Variants in RBFOX1 observed in about 807,000 individuals in gnomAD.
The protein encoded by RBFOX1 is RNA binding fox-1 homolog 1.
Under a neutral mutation model 57.7 loss-of-function variants are expected in RBFOX1, and 8 were observed. The observed-to-expected ratio is 0.14, with a 90% CI of 0.08 to 0.25. The LOEUF (loss-of-function observed/expected upper bound fraction) is 0.25, where lower values mean the gene tolerates loss of function less well. Among genes scored for constraint, RBFOX1 ranks in the 10% least tolerant of loss-of-function variants. RBFOX1 has a pLI of 1.00. For missense variants in RBFOX1, 611 were observed against 548.5 expected (o/e 1.11, Z -1.14); for synonymous variants, 326 against 222.4 (o/e 1.47, Z -4.15).
At chr16:5,773,841 GT>G (rs1449604967) in intron 3 of RBFOX1, among the ~76,000 whole-genome samples, 3 of 152,220 alleles carry the variant, frequency 2.0e-5, no homozygotes, top group East Asian at 3.9e-4. Flanking sequence ...GGGACTACAG[GT>G]GAGCACTACC....
intron 4 of RBFOX1, among the ~76,000 whole-genome samples, chr16:7,173,949 C>G (rs1040580244): frequency 3.9e-5 from 6 of 152,076 alleles, no homozygotes; most frequent in Admixed American, 2.0e-4. Context: ...CGCAGAGAAA[C>G]GAAATGAAAG....
At position 5,639,571 on chromosome 16, in the gene RBFOX1, C is replaced by T. The variant is rs545314128; in HGVS notation, c.318+40610C>T. ...GAGGGAGCAAGAAGTGTGTTTGCCA[C>T]ACTCTCCATCACTCTCTATCATCTC... On this transcript the variant is annotated intron_variant, in intron 3 of 19. Transcript: ENST00000641259. Among the ~76,000 whole-genome samples, 3 of 152,294 alleles carry T rather than the reference C, an allele frequency of 2.0e-5. No individual in the cohort carries two copies. The East Asian group carries it at 5.8e-4, about 29-fold the overall frequency.
At chr16:7,136,719 A>G (rs1567405686) in intron 4 of RBFOX1, among the ~76,000 whole-genome samples, 1 of 152,120 alleles carries the variant, frequency 6.6e-6, no homozygotes, top group Admixed American at 6.5e-5. Context: ...ACCTGGCCCC[A>G]TCTAGGGAAA....
chr16:6,399,188 G>C (rs1296781102), intron 2 of RBFOX1, among the ~76,000 whole-genome samples: 1 of 152,212 alleles, frequency 6.6e-6, no homozygotes, highest in African/African-American at 2.4e-5. Context: ...ACCATGTCCC[G>C]AGGCAGCACA....
intron 3 of RBFOX1, among the ~76,000 whole-genome samples, chr16:7,004,804 A>G (rs902902091): frequency 2.0e-5 from 3 of 152,190 alleles, no homozygotes; most frequent in Non-Finnish European, 2.9e-5. Flanking sequence ...ACGTGTCTCT[A>G]TAAGTGGCTG....
At chr16:6,199,019 T>A (rs922143230) in intron 1 of RBFOX1, among the ~76,000 whole-genome samples, 1 of 152,252 alleles carries the variant, frequency 6.6e-6, no homozygotes, top group African/African-American at 2.4e-5. Flanking sequence ...ATATATATTT[T>A]TTCATTTATG....
intron 4 of RBFOX1, 85 bp downstream of exon 4, chr16:7,052,183 G>A: frequency 6.6e-7 from 1 of 1,525,234 alleles, no homozygotes; most frequent in Non-Finnish European, 8.8e-7. Context: ...CAAGACACGG[G>A]TTCTAAATAA....
intron 4 of RBFOX1, among the ~76,000 whole-genome samples, chr16:7,246,988 A>C (rs749462016): frequency 6.6e-6 from 1 of 152,078 alleles, no homozygotes; most frequent in Non-Finnish European, 1.5e-5. Context: ...TTCTTTTCCT[A>C]TTGGTCCCCA....
At chr16:6,078,186 C>A (rs1261518576) in intron 1 of RBFOX1, among the ~76,000 whole-genome samples, 1 of 152,120 alleles carries the variant, frequency 6.6e-6, no homozygotes, top group African/African-American at 2.4e-5. Flanking sequence ...ATGCTTTGTA[C>A]ATAACAAATC....
chr16:6,898,134 A>G (rs941357519), intron 3 of RBFOX1, among the ~76,000 whole-genome samples: 2 of 152,170 alleles, frequency 1.3e-5, no homozygotes, highest in African/African-American at 4.8e-5. Context: ...ACCAATCTCT[A>G]TTTTGCCAAA....
intron 4 of RBFOX1, among the ~76,000 whole-genome samples, chr16:5,939,962 C>T (rs562345871): frequency 1.3e-5 from 2 of 152,314 alleles, no homozygotes; most frequent in South Asian, 4.2e-4. Context: ...TGACCCTGGT[C>T]AGGTTATTTA....
At chr16:6,021,879 A>C (rs1217373747) in intron 1 of RBFOX1, among the ~76,000 whole-genome samples, 1 of 152,202 alleles carries the variant, frequency 6.6e-6, no homozygotes, top group Non-Finnish European at 1.5e-5. Flanking sequence ...CATTTAGAAC[A>C]GTTTGGCACA....
intron 3 of RBFOX1, among the ~76,000 whole-genome samples, chr16:6,741,270 A>T (rs1033924459): frequency 6.6e-5 from 10 of 152,178 alleles, no homozygotes; most frequent in African/African-American, 2.4e-4. Flanking sequence ...TAAAACTATA[A>T]AACTTTCAGG....
chr16:6,818,486 C>A (rs963454272), intron 3 of RBFOX1, among the ~76,000 whole-genome samples: 6 of 152,008 alleles, frequency 3.9e-5, no homozygotes, highest in Non-Finnish European at 7.4e-5. Context: ...TGAGTAAATG[C>A]CAGTGAGGTT....
chr16:6,575,308 A>C (rs180966197), intron 2 of RBFOX1, among the ~76,000 whole-genome samples: 7 of 152,206 alleles, frequency 4.6e-5, no homozygotes, highest in African/African-American at 7.2e-5. Context: ...TGGTCCTTGT[A>C]TATTTATATT....
intron 2 of RBFOX1, among the ~76,000 whole-genome samples, chr16:6,572,887 C>T (rs1003884096): frequency 2.0e-5 from 3 of 152,104 alleles, no homozygotes; most frequent in African/African-American, 4.8e-5. Context: ...ATCCCGCATG[C>T]CCAGCCATCA....
At chr16:6,293,441 A>G (rs1178964607) in intron 1 of RBFOX1, among the ~76,000 whole-genome samples, 1 of 77,142 alleles carries the variant, frequency 1.3e-5, no homozygotes, top group South Asian at 7.1e-4. Flanking sequence ...TCTGTTTTGA[A>G]TATTTGTTAT....
chr16:6,505,234 T>C (rs2096059576), intron 2 of RBFOX1, among the ~76,000 whole-genome samples: 1 of 152,218 alleles, frequency 6.6e-6, no homozygotes, highest in Non-Finnish European at 1.5e-5. Flanking sequence ...TTTTATGTAG[T>C]TGTCACTTTC....
At chr16:7,180,712 A>G (rs1294061531) in intron 4 of RBFOX1, among the ~76,000 whole-genome samples, 1 of 51,816 alleles carries the variant, frequency 1.9e-5, no homozygotes, top group Non-Finnish European at 4.0e-5. Flanking sequence ...AGTTATTATG[A>G]TGAAAAAAAA....
Sources: gnomAD v4.1 joint callset for allele counts (sites outside exome capture counted in the v4.1 genomes callset) on GRCh38, gnomAD v4.1.1 for gene constraint, MANE v1.5 for transcripts, NCBI Gene and HGNC (gene_info 2026-07-23, HGNC 2026-07-21) for gene names.